The following SOBP variants were observed in gnomAD, a reference collection of about 807,000 sequenced individuals.
SOBP encodes sine oculis-binding protein homolog.
In SOBP, 4 loss-of-function variants were observed where a neutral mutation model predicts 53.6. The ratio of observed to expected loss-of-function variants is 0.07; its 90% confidence interval spans 0.04 to 0.17. The LOEUF is 0.17. Among genes scored for constraint, SOBP ranks in the 10% least tolerant of loss-of-function variants. The probability of loss-of-function intolerance (pLI) is 1.00; values close to 1 mark genes in which losing one functional copy is unlikely to be tolerated. For synonymous variants in SOBP, 584 were observed against 522.6 expected (o/e 1.12, Z -1.60); for missense variants, 1,088 against 1,204.7 (o/e 0.90, Z 1.43).
At chr6:107,625,711 G>A (rs915108385) in intron 5 of SOBP, among the ~76,000 whole-genome samples, 4 of 152,170 alleles carry the variant, frequency 2.6e-5, no homozygotes, top group African/African-American at 9.7e-5. Flanking sequence ...TGGGGGTTGG[G>A]GGGACTGCTC....
chr6:107,652,526 G>A (rs965458316), intron 6 of SOBP, among the ~76,000 whole-genome samples: 3 of 152,230 alleles, frequency 2.0e-5, no homozygotes, highest in Non-Finnish European at 2.9e-5. Flanking sequence ...TAAAGATGCT[G>A]TGAACAATGA....
intron 1 of SOBP, among the ~76,000 whole-genome samples, chr6:107,491,179 C>T (rs1430705954): frequency 6.6e-6 from 1 of 152,220 alleles, no homozygotes; most frequent in East Asian, 1.9e-4. Context: ...CCGCTTCCCC[C>T]CAACCAACCA....
At chr6:107,645,749 C>A (rs1771529789) in intron 6 of SOBP, among the ~76,000 whole-genome samples, 1 of 152,204 alleles carries the variant, frequency 6.6e-6, no homozygotes, top group African/African-American at 2.4e-5. Flanking sequence ...ATGAAGCTGC[C>A]TTGATGTAGT....
intron 5 of SOBP, among the ~76,000 whole-genome samples, chr6:107,628,639 A>G (rs1770568870): frequency 6.6e-6 from 1 of 152,210 alleles, no homozygotes; most frequent in Admixed American, 6.5e-5. Flanking sequence ...TCCATTTTAC[A>G]GATAAAGAAA....
At chr6:107,555,872 T>G (rs906968278) in intron 4 of SOBP, among the ~76,000 whole-genome samples, 1 of 152,218 alleles carries the variant, frequency 6.6e-6, no homozygotes, top group African/African-American at 2.4e-5. Context: ...CTGATTTGCT[T>G]TTGTCTCCTC....
chr6:107,497,293 A>T (rs1782725815), intron 1 of SOBP, among the ~76,000 whole-genome samples: 1 of 152,204 alleles, frequency 6.6e-6, no homozygotes, highest in Non-Finnish European at 1.5e-5. Flanking sequence ...AGCATTTCTC[A>T]TGTGCTCCAC....
At chr6:107,544,219 T>C (rs767658636) in intron 4 of SOBP, among the ~76,000 whole-genome samples, 1 of 152,168 alleles carries the variant, frequency 6.6e-6, no homozygotes, top group African/African-American at 2.4e-5. Context: ...AAAAGAGAAG[T>C]GTTCAGAAGA....
intron 2 of SOBP, among the ~76,000 whole-genome samples, chr6:107,504,777 C>T (rs942230606): frequency 6.6e-6 from 1 of 152,186 alleles, no homozygotes; most frequent in African/African-American, 2.4e-5. Flanking sequence ...ATTGAATGTA[C>T]ATGACAAATT....
intron 6 of SOBP, among the ~76,000 whole-genome samples, chr6:107,653,289 C>T (rs888538536): frequency 3.3e-5 from 5 of 152,228 alleles, no homozygotes; most frequent in South Asian, 2.1e-4. Context: ...CTAGTGCAGG[C>T]GGCTCTGTTC....
At chr6:107,508,100 A>G (rs1390530626) in intron 3 of SOBP, among the ~76,000 whole-genome samples, 2 of 152,262 alleles carry the variant, frequency 1.3e-5, no homozygotes, top group Non-Finnish European at 2.9e-5. Context: ...ATAACATACT[A>G]AAGCTAATGT....
At chr6:107,549,825 A>G (rs1784413903) in intron 4 of SOBP, among the ~76,000 whole-genome samples, 1 of 152,118 alleles carries the variant, frequency 6.6e-6, no homozygotes, top group Non-Finnish European at 1.5e-5. Flanking sequence ...AGATGGGGTG[A>G]TGTACTGGAG....
rs770442099 is a variant in SOBP at position 107,634,021 on chromosome 6, G to C, written c.1177G>C (p.Val393Leu). ...PPMVMTNRGP[V>L]PLPIFMEQQI... The stretch of plus-strand genomic sequence containing the variant: ...CATGGTGATGACCAACCGCGGCCCG[G>C]TGCCGCTGCCCATCTTCATGGAGCA... Residue 393 changes from valine to leucine, a missense_variant, in exon 6 of 7, where the codon GTG becomes CTG. Val to Leu is a conservative substitution (Grantham distance 32, BLOSUM62 1). This residue lies in a region of SOBP where 211 missense variants were observed against 258.9 expected (regional missense o/e 0.82). Coordinates refer to ENST00000317357, the MANE Select transcript of SOBP (RefSeq NM_018013.4). The surrounding 1 kb of genome is among the most constrained non-coding windows in gnomAD (Gnocchi z 4.5). 3 of 1,612,136 alleles carry C rather than the reference G, an allele frequency of 1.9e-6. No homozygotes were observed. The highest frequency in any genetic ancestry group is 2.2e-5 in the South Asian group (2 of 90,862).
intron 3 of SOBP, among the ~76,000 whole-genome samples, chr6:107,533,228 A>T (rs1401279396): frequency 8.2e-6 from 1 of 122,386 alleles, no homozygotes; most frequent in Admixed American, 1.0e-4. Context: ...CTCTGCAGTC[A>T]TGCTCTGGTT....
chr6:107,635,193 C>T lies in SOBP; in HGVS notation c.2349C>T (p.Asp783=), dbSNP rs367899598. Reference sequence around the variant, plus strand: ...ACTGTGCTTCCAACTGCCACCTGGACGGGGAGGCGGCCAAAAAGCTGATGG... The same window carrying T: ...ACTGTGCTTCCAACTGCCACCTGGATGGGGAGGCGGCCAAAAAGCTGATGG... ...ENNCASNCHL[D]GEAAKKLMGE... The change falls in exon 6 of 7, where the codon GAC becomes GAT. Residue 783 remains aspartate (D), a synonymous_variant. Coordinates refer to ENST00000317357, the MANE Select transcript of SOBP (RefSeq NM_018013.4). This position sits in a 1 kb window ranked among gnomAD's most constrained non-coding sequence, Gnocchi z 4.5. 2.7e-4 allele frequency: 429 copies of T among 1,613,806 alleles called. 4 individuals carry two copies. In the South Asian group the frequency reaches 4.4e-3, roughly 17 times the overall value.
chr6:107,511,980 A>T (rs1295920838), intron 3 of SOBP, among the ~76,000 whole-genome samples: 1 of 151,660 alleles, frequency 6.6e-6, no homozygotes, highest in Non-Finnish European at 1.5e-5. Context: ...GAAGGGAATC[A>T]CCATGATCCT....
At chr6:107,509,370 G>T in intron 3 of SOBP, among the ~76,000 whole-genome samples, 1 of 150,254 alleles carries the variant, frequency 6.7e-6, no homozygotes, top group East Asian at 1.9e-4. Context: ...CTCCAGCCTG[G>T]GCAACAAGAG....
chr6:107,494,485 C>T (rs1336480278), intron 1 of SOBP, among the ~76,000 whole-genome samples: 1 of 152,152 alleles, frequency 6.6e-6, no homozygotes, highest in Non-Finnish European at 1.5e-5. Flanking sequence ...TGATCAGTAG[C>T]TACCAAACAA....
intron 5 of SOBP, among the ~76,000 whole-genome samples, chr6:107,594,229 G>T (rs906861392): frequency 6.6e-6 from 1 of 152,306 alleles, no homozygotes; most frequent in East Asian, 1.9e-4. Flanking sequence ...TGGGGTCTAA[G>T]TGATGACTGC....
At chr6:107,641,529 G>A (rs1489715520) in intron 6 of SOBP, among the ~76,000 whole-genome samples, 5 of 152,186 alleles carry the variant, frequency 3.3e-5, no homozygotes, top group African/African-American at 4.8e-5. Context: ...GTGAACACCA[G>A]GGCATTGATG....
Sources: gnomAD v4.1 joint callset for allele counts (sites outside exome capture counted in the v4.1 genomes callset) on GRCh38, gnomAD v4.1.1 for gene constraint, gnomAD v4.1.1 regional missense constraint, Gnocchi (gnomAD v3.1) non-coding constraint, MANE v1.5 for transcripts, NCBI Gene and HGNC (gene_info 2026-07-23, HGNC 2026-07-21) for gene names.